LRP1B: variants seen among roughly 807,000 people sequenced by gnomAD.
The protein encoded by LRP1B is LDL receptor related protein 1B, also known as low-density lipoprotein receptor-related protein 1B.
Under a neutral mutation model 556.6 loss-of-function variants are expected in LRP1B, and 217 were observed. The ratio of observed to expected loss-of-function variants is 0.39; its 90% confidence interval spans 0.35 to 0.44. LRP1B has a LOEUF of 0.44. LRP1B is among the 20% of genes least tolerant of loss of function. The pLI, the probability that LRP1B is intolerant of heterozygous loss-of-function variation, is 1.00. For synonymous variants in LRP1B, 2,047 were observed against 1,865.8 expected (o/e 1.10, Z -2.50); for missense variants, 5,053 against 5,620.8 (o/e 0.90, Z 3.23).
At chr2:140,953,703 G>T (rs1695787640) in intron 18 of LRP1B, among the ~76,000 whole-genome samples, 1 of 151,830 alleles carries the variant, frequency 6.6e-6, no homozygotes, top group Admixed American at 6.6e-5. Flanking sequence ...TTTTATTTTG[G>T]AGAAAAATAT....
chr2:141,499,269 G>A (rs1156844742), intron 2 of LRP1B, among the ~76,000 whole-genome samples: 2 of 151,996 alleles, frequency 1.3e-5, no homozygotes, highest in East Asian at 1.9e-4. Context: ...ATGTCACAGC[G>A]GTTATTTTGG....
chr2:141,019,783 T>A, intron 12 of LRP1B, 139 bp downstream of exon 12: 1 of 565,768 alleles, frequency 1.8e-6, no homozygotes, highest in Non-Finnish European at 2.9e-6. Context: ...CCCTTAAATG[T>A]GTAACTTTAC....
At chr2:141,868,282 G>A (rs1400026739) in intron 1 of LRP1B, among the ~76,000 whole-genome samples, 2 of 152,026 alleles carry the variant, frequency 1.3e-5, no homozygotes, top group Non-Finnish European at 2.9e-5. Context: ...CCGGTGAGAA[G>A]CAACTGGATT....
intron 86 of LRP1B, among the ~76,000 whole-genome samples, chr2:140,251,405 A>G (rs1192433876): frequency 2.0e-5 from 3 of 151,886 alleles, no homozygotes; most frequent in African/African-American, 7.2e-5. Context: ...ACAATGATCA[A>G]TGTATATGAA....
intron 2 of LRP1B, among the ~76,000 whole-genome samples, chr2:141,626,776 A>G (rs1044549815): frequency 1.3e-5 from 2 of 152,344 alleles, no homozygotes; most frequent in East Asian, 3.9e-4. Context: ...TAGAATGACC[A>G]AAATCCAGAA....
chr2:140,570,512 A>G (rs1574090685), intron 43 of LRP1B, among the ~76,000 whole-genome samples: 1 of 151,914 alleles, frequency 6.6e-6, no homozygotes, highest in East Asian at 1.9e-4. Context: ...TTTAGGAAAA[A>G]CAAGATTGTA....
intron 3 of LRP1B, among the ~76,000 whole-genome samples, chr2:141,289,381 CAAAAAAAAAAAAAA>C (rs34784985): frequency 2.3e-5 from 1 of 43,446 alleles, no homozygotes; most frequent in African/African-American, 9.6e-5. Context: ...GACTCCATCT[CAAAAAAAAAAAAAA>C]AAAAAAAAAA....
At chr2:141,463,579 TA>T (rs1468824556) in intron 3 of LRP1B, among the ~76,000 whole-genome samples, 23 of 48,868 alleles carry the variant, frequency 4.7e-4, no homozygotes, top group South Asian at 7.0e-4. Flanking sequence ...ATATTATATA[TA>T]ATTATATATA....
intron 1 of LRP1B, among the ~76,000 whole-genome samples, chr2:141,908,556 G>T (rs1039365506): frequency 2.0e-5 from 3 of 151,976 alleles, no homozygotes; most frequent in African/African-American, 7.2e-5. Flanking sequence ...ATGACTAAAA[G>T]ATGTGAAAGG....
In LRP1B at chr2:140,408,004, A is replaced by G. The variant is rs192628909; in HGVS notation, c.10415-21995T>C. On this transcript the variant is annotated intron_variant, in intron 66 of 90. Coordinates refer to ENST00000389484, the MANE Select transcript of LRP1B (RefSeq NM_018557.3). The stretch of plus-strand genomic sequence containing the variant: ...CATGGAATACTACTCAGCCATAAAA[A>G]GGAATAAAATAATATATTTTGCAGC... Among the ~76,000 whole-genome samples, 324 of 152,188 alleles carry G rather than the reference A, an allele frequency of 2.1e-3. 1 individual carries two copies. Among genetic ancestry groups the G allele is most frequent in the African/African-American group, 7.6e-3 (315 of 41,554 alleles).
At chr2:140,910,434 T>C (rs922065679) in intron 21 of LRP1B, among the ~76,000 whole-genome samples, 3 of 151,700 alleles carry the variant, frequency 2.0e-5, no homozygotes, top group Non-Finnish European at 3.0e-5. Context: ...CATTTTAAAA[T>C]AAGGATGATA....
In LRP1B at chr2:141,015,716, A is replaced by G; in HGVS notation, c.2170T>C (p.Leu724=). The G allele has an allele frequency of 1.2e-6, 2 of 1,612,898 alleles. No individual in the cohort carries two copies. Among genetic ancestry groups the G allele is most frequent in the Non-Finnish European group, 1.7e-6 (2 of 1,179,362 alleles). ...TTTACCTTCCTGTGAGTCCCATTCA[A>G]AAATACTTTTTCAATATGATCGTAA... ...AYYDHIEKVF[L]NGTHRKIVYS... Residue 724 remains leucine (L), a synonymous_variant, in exon 13 of 91, where the codon TTG becomes CTG. Transcript: ENST00000389484.
At chr2:140,648,721 G>T (rs752903011) in intron 41 of LRP1B, among the ~76,000 whole-genome samples, 5 of 152,124 alleles carry the variant, frequency 3.3e-5, no homozygotes, top group Non-Finnish European at 5.9e-5. Context: ...AAGCCAGTGG[G>T]CTTCAAGTCT....
intron 1 of LRP1B, among the ~76,000 whole-genome samples, chr2:142,039,960 A>C (rs62157627): frequency 0.43 from 65,352 of 151,084 alleles, 15,979 homozygotes; most frequent in East Asian, 0.69. Context: ...TAAGTCATAA[A>C]CCCCAACTAA....
chr2:141,053,366 G>C (rs904412256), intron 10 of LRP1B, among the ~76,000 whole-genome samples: 1 of 151,796 alleles, frequency 6.6e-6, no homozygotes, highest in Non-Finnish European at 1.5e-5. Context: ...TGAGGAACAG[G>C]GTGTCTCTCC....
At chr2:141,588,853 T>G (rs927606392) in intron 2 of LRP1B, among the ~76,000 whole-genome samples, 1 of 152,296 alleles carries the variant, frequency 6.6e-6, no homozygotes, top group South Asian at 2.1e-4. Flanking sequence ...GGAAATAAAT[T>G]TTATGTGTTA....
intron 3 of LRP1B, among the ~76,000 whole-genome samples, chr2:141,322,614 G>C (rs1559004394): frequency 6.6e-6 from 1 of 152,032 alleles, no homozygotes; most frequent in Non-Finnish European, 1.5e-5. Context: ...AGACTTGAGA[G>C]ATGACGTATT....
Position 140,247,172 on chromosome 2 carries a change from T to C in LRP1B, c.13248-10A>G. ...CCAGTTGGTGGAGCATCTAAAAATATCCAAACAACAAACAAAACAGATCAG... is the reference window on the plus strand; with the variant it reads ...CCAGTTGGTGGAGCATCTAAAAATACCCAAACAACAAACAAAACAGATCAG... On this transcript the variant is annotated splice_polypyrimidine_tract_variant and intron_variant, in intron 86 of 90. Coordinates refer to ENST00000389484, the MANE Select transcript of LRP1B (RefSeq NM_018557.3). The C allele has an allele frequency of 6.3e-7, 1 of 1,599,588 alleles. No individual in the cohort carries two copies. Among genetic ancestry groups the C allele is most frequent in the Non-Finnish European group, 8.6e-7 (1 of 1,168,134 alleles).
intron 43 of LRP1B, among the ~76,000 whole-genome samples, chr2:140,593,431 G>A (rs540949): frequency 0.35 from 53,286 of 151,952 alleles, 9,537 homozygotes; most frequent in African/African-American, 0.37. Flanking sequence ...CTACTGGAAC[G>A]AACAGAGATG....
Sources: allele counts gnomAD v4.1 joint callset (sites outside exome capture counted in the v4.1 genomes callset), GRCh38; gene constraint gnomAD v4.1.1; transcripts MANE v1.5; gene names NCBI Gene and HGNC (gene_info 2026-07-23, HGNC 2026-07-21).